ADCK2: variants seen among roughly 807,000 people sequenced by gnomAD.
ADCK2 encodes uncharacterized aarF domain-containing protein kinase 2.
A neutral mutation model predicts 52.3 loss-of-function variants in ADCK2; 37 were observed. The observed-to-expected ratio is 0.71, with a 90% CI of 0.54 to 0.93. ADCK2 has a LOEUF of 0.93. Ranked by LOEUF, ADCK2 falls within the 40% of genes least tolerant of loss-of-function variation. ADCK2 has a pLI of 0.00. For synonymous variants in ADCK2, 321 were observed against 349.2 expected, an observed-to-expected ratio of 0.92 and a Z score of 0.90; for missense variants, 695 against 798.7, an observed-to-expected ratio of 0.87 and a Z score of 1.56.
At position 140,673,505 on chromosome 7, in the gene ADCK2, GA is replaced by G; in HGVS notation, c.176del (p.Glu59GlyfsTer7). 1 of 1,602,686 alleles carries G rather than the reference GA, an allele frequency of 6.2e-7. No homozygotes were observed. The highest frequency in any genetic ancestry group is 8.5e-7 in the Non-Finnish European group (1 of 1,176,714). On this transcript the variant is annotated frameshift_variant, in exon 1 of 8. Coordinates refer to ENST00000072869, the MANE Select transcript of ADCK2 (RefSeq NM_052853.4). LOFTEE classifies it high-confidence loss of function. The surrounding 1 kb of genome is among the most constrained non-coding windows in gnomAD (Gnocchi z 6.4). ...KVVSLCGDVG[E>X]GAPDVLSRRR... Reference sequence around the variant, plus strand: ...CGTCTCCCTGTGCGGGGACGTGGGTGAGGGGGCCCCTGACGTTCTGAGTCGG... The same window carrying G: ...CGTCTCCCTGTGCGGGGACGTGGGTGGGGGGCCCCTGACGTTCTGAGTCGG...
rs1009581511 is a variant in ADCK2, at chr7:140,693,854, C to T, written c.1741-809C>T. Among the ~76,000 whole-genome samples, 6 of 152,124 alleles carry T rather than the reference C, an allele frequency of 3.9e-5. No individual in the cohort carries two copies. The highest frequency in any genetic ancestry group is 8.8e-5 in the Non-Finnish European group (6 of 68,016). On this transcript the variant is annotated intron_variant, in intron 7 of 7. Transcript: ENST00000072869. The surrounding 1 kb of genome is among the most constrained non-coding windows in gnomAD (Gnocchi z 4.0). Reference sequence around the variant, plus strand: ...CCTCCCGAGTAGCTGAGACCACAGGCGCCTGCCACCATGCCCGGCTGATTT... The same window carrying T: ...CCTCCCGAGTAGCTGAGACCACAGGTGCCTGCCACCATGCCCGGCTGATTT...
At chr7:140,689,517 G>A (rs1249596406) in intron 5 of ADCK2, 80 bp from the exon 6 acceptor site, 18 of 1,488,982 alleles carry the variant, frequency 1.2e-5, no homozygotes, top group Non-Finnish European at 1.5e-5. Context: ...TGGAGCTGCT[G>A]AGATGAGAAA....
chr7:140,674,028 G>A lies in ADCK2; in HGVS notation c.698G>A (p.Gly233Asp), dbSNP rs1224534033. The A allele has an allele frequency of 6.2e-7, 1 of 1,614,120 alleles. No individual in the cohort carries two copies. The highest frequency in any genetic ancestry group is 8.5e-7 in the Non-Finnish European group (1 of 1,180,036). ...FLETDSVQRL[G>D]RASCLPPFSH... is the part of the protein sequence containing the mutation. ...GAGACTGACAGCGTCCAGAGACTTG[G>A]CAGGGCCTCCTGTCTGCCGCCCTTC... is the stretch of plus-strand genomic sequence containing the variant. Residue 233 changes from glycine to aspartate, a missense_variant, in exon 1 of 8, where the codon GGC (glycine) becomes GAC (aspartate). Gly to Asp is a moderately conservative substitution (Grantham distance 94). Transcript: ENST00000072869. The surrounding 1 kb of genome is among the most constrained non-coding windows in gnomAD (Gnocchi z 4.6).
rs563049027 is a variant in ADCK2 at position 140,678,103 on chromosome 7, C to T, written c.1081-1052C>T. On this transcript the variant is annotated intron_variant, in intron 2 of 7. Coordinates refer to ENST00000072869, the MANE Select transcript of ADCK2 (RefSeq NM_052853.4). This position sits in a 1 kb window ranked among gnomAD's most constrained non-coding sequence, Gnocchi z 4.9. ...GGAAGGATGGGTCAAGGAGCACACT[C>T]GAGGCACCTCTGTTTGTGCTCAGGT... is the stretch of plus-strand genomic sequence containing the variant. 2.6e-5 allele frequency among the ~76,000 whole-genome samples: 4 copies of T among 152,240 alleles called. No homozygotes were observed. The highest frequency in any genetic ancestry group is 7.2e-5 in the African/African-American group (3 of 41,534).
In ADCK2 at chr7:140,691,192, C is replaced by T. The variant is rs571526706; in HGVS notation, c.1740+379C>T. 2.0e-5 allele frequency among the ~76,000 whole-genome samples: 3 copies of T among 152,284 alleles called. No individual in the cohort carries two copies. In the South Asian group the frequency reaches 6.2e-4, roughly 32 times the overall value. ...CCACCCTTCTCGGCCTCCCAAAGTG[C>T]TGGGATTACAGGCGTGAGCCACTGT... On this transcript the variant is annotated intron_variant, in intron 7 of 7. Coordinates refer to ENST00000072869, the MANE Select transcript of ADCK2 (RefSeq NM_052853.4).
chr7:140,675,078 A>G (rs993973689), intron 2 of ADCK2, among the ~76,000 whole-genome samples: 1 of 152,018 alleles, frequency 6.6e-6, no homozygotes, highest in Non-Finnish European at 1.5e-5. Context: ...CCCTGTCTCT[A>G]CTGAAAATAC....
chr7:140,693,604 A>G lies in ADCK2; in HGVS notation c.1741-1059A>G, dbSNP rs1794744896. On this transcript the variant is annotated intron_variant, in intron 7 of 7. Transcript: ENST00000072869. The surrounding 1 kb of genome is among the most constrained non-coding windows in gnomAD (Gnocchi z 4.0). ...TCTATAGAATGGGGATAACGATGAT[A>G]CTTTTGAAGAATAGTTGAAGAATCC... Among the ~76,000 whole-genome samples, 1 of 152,192 alleles carries G rather than the reference A, an allele frequency of 6.6e-6. No homozygotes were observed. The highest frequency in any genetic ancestry group is 1.5e-5 in the Non-Finnish European group (1 of 68,040).
Position 140,674,316 on chromosome 7 carries a change from A to G in ADCK2, c.933+53A>G, listed in dbSNP as rs1794354295. The G allele has an allele frequency of 3.3e-6, 5 of 1,516,434 alleles. No individual in the cohort carries two copies. The highest frequency in any genetic ancestry group is 4.4e-6 in the Non-Finnish European group (5 of 1,125,258). 93.9% of individuals were successfully genotyped at this position (1,516,434 alleles called of 1,614,324 possible). On this transcript the variant is annotated intron_variant, in intron 1 of 7. Transcript: ENST00000072869. The surrounding 1 kb of genome is among the most constrained non-coding windows in gnomAD (Gnocchi z 4.6). ...CCTACCCACTGAGCTATCCCAGATC[A>G]GAAACAACCGCCATGCAAATCGCCC...
intron 7 of ADCK2, among the ~76,000 whole-genome samples, chr7:140,691,878 G>C (rs779302919): frequency 2.0e-5 from 3 of 152,148 alleles, no homozygotes; most frequent in South Asian, 2.1e-4. Flanking sequence ...TCCCGCCTCC[G>C]TGGCTCACTC....
intron 5 of ADCK2, among the ~76,000 whole-genome samples, chr7:140,687,453 G>A (rs1197647601): frequency 1.3e-5 from 2 of 152,046 alleles, no homozygotes; most frequent in African/African-American, 4.8e-5. Context: ...AGTGGTTCAC[G>A]CCTGTAATCT....
rs766400758 is a variant in ADCK2, at chr7:140,679,232, C to A, written c.1158C>A (p.Pro386=). 1.1e-5 allele frequency: 17 copies of A among 1,613,986 alleles called. No homozygotes were observed. Among genetic ancestry groups the A allele is most frequent in the Non-Finnish European group, 1.4e-5 (17 of 1,180,004 alleles). ...GGAATGTGAAAGCCGTCAAGTTCCC[C>A]ACCCCTCTGCGCCCCTTTGTCACCA... ...NFRNVKAVKF[P]TPLRPFVTRE... Residue 386 remains proline, a synonymous_variant, in exon 3 of 8, where the codon CCC becomes CCA. Coordinates refer to ENST00000072869, the MANE Select transcript of ADCK2 (RefSeq NM_052853.4).
chr7:140,683,939 G>T (rs191311897), intron 4 of ADCK2, among the ~76,000 whole-genome samples: 344 of 152,312 alleles, frequency 2.3e-3, no homozygotes, highest in Middle Eastern at 0.01. Flanking sequence ...ATTTCCTTGT[G>T]AACTAAGGGG....
intron 7 of ADCK2, among the ~76,000 whole-genome samples, chr7:140,692,149 A>C (rs981496325): frequency 6.6e-6 from 1 of 152,138 alleles, no homozygotes; most frequent in African/African-American, 2.4e-5. Context: ...GGTCTTTCTC[A>C]TTTGGCAGAG....
intron 2 of ADCK2, among the ~76,000 whole-genome samples, chr7:140,675,505 C>A (rs1391167217): frequency 6.6e-6 from 1 of 152,172 alleles, no homozygotes; most frequent in Non-Finnish European, 1.5e-5. Context: ...TTGGCACTGC[C>A]TCCTTCAACA....
At chr7:140,675,441 T>C (rs898391635) in intron 2 of ADCK2, among the ~76,000 whole-genome samples, 5 of 152,026 alleles carry the variant, frequency 3.3e-5, no homozygotes, top group African/African-American at 1.2e-4. Flanking sequence ...CACCGTACGG[T>C]CAAGAGAGGG....
At chr7:140,685,025 G>A (rs1361209175) in intron 4 of ADCK2, among the ~76,000 whole-genome samples, 9 of 151,966 alleles carry the variant, frequency 5.9e-5, no homozygotes, top group East Asian at 1.9e-4. Flanking sequence ...GGTCAGGATC[G>A]GGGCATGAGA....
chr7:140,684,477 T>G (rs768279595), intron 4 of ADCK2, among the ~76,000 whole-genome samples: 1 of 151,678 alleles, frequency 6.6e-6, no homozygotes, highest in Non-Finnish European at 1.5e-5. Flanking sequence ...CAGAGGACAG[T>G]GGTTGAAGGG....
chr7:140,676,039 A>AC (rs1794407634), intron 2 of ADCK2, among the ~76,000 whole-genome samples: 1 of 152,222 alleles, frequency 6.6e-6, no homozygotes, highest in Non-Finnish European at 1.5e-5. Context: ...CAATGTTTAG[A>AC]AAGTCTCTTA....
At chr7:140,686,002 C>G (rs1481975201) in intron 4 of ADCK2, among the ~76,000 whole-genome samples, 1 of 152,198 alleles carries the variant, frequency 6.6e-6, no homozygotes, top group Non-Finnish European at 1.5e-5. Context: ...GTGTCCTCCT[C>G]CACAGAAGGG....
Sources: gnomAD v4.1 joint callset for allele counts (sites outside exome capture counted in the v4.1 genomes callset) on GRCh38, gnomAD v4.1.1 for gene constraint, Gnocchi (gnomAD v3.1) non-coding constraint, MANE v1.5 for transcripts, NCBI Gene and HGNC (gene_info 2026-07-23, HGNC 2026-07-21) for gene names.